The following TJP1 variants were observed in gnomAD, a reference collection of about 807,000 sequenced individuals.
The protein encoded by TJP1 is tight junction protein ZO-1.
In TJP1, 43 loss-of-function variants were observed where a neutral mutation model predicts 194.2. That is an observed-to-expected ratio of 0.22 (90% CI 0.17 to 0.29). TJP1 has a LOEUF of 0.29. Among genes scored for constraint, TJP1 ranks in the 10% least tolerant of loss-of-function variants. The pLI is 1.00. For missense variants in TJP1, 1,971 were observed against 2,185.7 expected (o/e 0.90, Z 1.96); for synonymous variants, 801 against 779.0 (o/e 1.03, Z -0.47).
intron 11 of TJP1, among the ~76,000 whole-genome samples, chr15:29,735,590 A>G (rs1230676361): frequency 3.4e-5 from 4 of 117,142 alleles, no homozygotes; most frequent in South Asian, 3.5e-4. Context: ...GTCTCAAGGA[A>G]AAAAAAAAAA....
chr15:29,725,713 G>T (rs45581337), intron 18 of TJP1, among the ~76,000 whole-genome samples: 484 of 152,302 alleles, frequency 3.2e-3, no homozygotes, highest in Non-Finnish European at 5.1e-3. Flanking sequence ...TTTAAAGCTG[G>T]CCATTTGGAC....
chr15:29,798,703 T>G (rs747950415), intron 2 of TJP1, among the ~76,000 whole-genome samples: 5 of 152,198 alleles, frequency 3.3e-5, no homozygotes, highest in Admixed American at 1.3e-4. Context: ...AAAGTTATGT[T>G]CATACAAAAA....
chr15:29,744,911 T>A (rs144578473), intron 8 of TJP1, among the ~76,000 whole-genome samples: 2 of 151,998 alleles, frequency 1.3e-5, no homozygotes, highest in African/African-American at 4.8e-5. Flanking sequence ...TCTAAATAAA[T>A]AAAATACTAG....
chr15:29,932,331 A>G (rs768974121), intron 2 of TJP1, among the ~76,000 whole-genome samples: 1 of 152,206 alleles, frequency 6.6e-6, no homozygotes, highest in African/African-American at 2.4e-5. Flanking sequence ...AAATCCACAC[A>G]TATATGGAAA....
chr15:29,760,873 A>T (rs2045958945), intron 8 of TJP1, among the ~76,000 whole-genome samples: 1 of 152,202 alleles, frequency 6.6e-6, no homozygotes, highest in Non-Finnish European at 1.5e-5. Context: ...ATGCCCATTC[A>T]TTTACACATT....
rs1183778722 is a variant in TJP1 at position 29,774,871 on chromosome 15, C to A, written c.85-1514G>T. Among the ~76,000 whole-genome samples the A allele has an allele frequency of 2.0e-5, 3 of 152,258 alleles. No homozygotes were observed. The East Asian group carries it at 5.8e-4, about 29-fold the overall frequency. ...GAATCTGTTTCTCTATATATTCTCC[C>A]AAAATTTAATAGAACAAAAATAGAC... On this transcript the variant is annotated intron_variant, in intron 2 of 27. Transcript: ENST00000614355.
intron 1 of TJP1, among the ~76,000 whole-genome samples, chr15:29,811,381 G>C (rs2049491644): frequency 7.7e-6 from 1 of 130,520 alleles, no homozygotes; most frequent in South Asian, 2.7e-4. Context: ...AGGGGGGTAT[G>C]ATACTTAGGA....
In TJP1 at chr15:29,708,890, T is replaced by C. The variant is rs1449590925; in HGVS notation, c.4519A>G (p.Lys1507Glu). The change falls in exon 25 of 28, where the codon AAA becomes GAA. Residue 1507 changes from lysine to glutamate, a missense_variant. By Grantham distance (56) the Lys-to-Glu change is moderately conservative. Transcript: ENST00000614355. ...TGTTCAGTTCCATTAACTGGGGCTT[T>C]ATCTGGAAAACTTTTCTGGGGATAG... is the stretch of plus-strand genomic sequence containing the variant. ...AFYPQKSFPD[K>E]APVNGTEQTQ... The C allele has an allele frequency of 1.2e-6, 2 of 1,614,214 alleles. No individual in the cohort carries two copies. Among genetic ancestry groups the C allele is most frequent in the South Asian group, 1.1e-5 (1 of 91,084 alleles).
At chr15:29,943,628 CAAAAAAAA>C (rs71103417) in intron 2 of TJP1, among the ~76,000 whole-genome samples, 4 of 51,018 alleles carry the variant, frequency 7.8e-5, no homozygotes, top group African/African-American at 2.5e-4. Flanking sequence ...GACTCCATCT[CAAAAAAAA>C]AAAAAAAAAA....
intron 1 of TJP1, among the ~76,000 whole-genome samples, 173 bp downstream of exon 1, chr15:29,821,829 G>T: frequency 6.9e-6 from 1 of 144,356 alleles, no homozygotes; most frequent in South Asian, 2.1e-4. Context: ...CCGCCCGAGG[G>T]GCTCCCCGCG....
intron 1 of TJP1, among the ~76,000 whole-genome samples, chr15:29,801,969 A>G: frequency 6.6e-6 from 1 of 152,184 alleles, no homozygotes; most frequent in Admixed American, 6.5e-5. Flanking sequence ...GCGACCTGTG[A>G]ACCACGGGTT....
At chr15:29,889,499 T>C (rs1299850385) in intron 2 of TJP1, among the ~76,000 whole-genome samples, 1 of 152,190 alleles carries the variant, frequency 6.6e-6, no homozygotes, top group Non-Finnish European at 1.5e-5. Context: ...GTCTTATAAA[T>C]TGAAAAGGAA....
At chr15:29,844,561 G>A (rs2051341569) in intron 2 of TJP1, among the ~76,000 whole-genome samples, 1 of 152,146 alleles carries the variant, frequency 6.6e-6, no homozygotes, top group Non-Finnish European at 1.5e-5. Flanking sequence ...CAAGATGCGA[G>A]GGTAGACTGG....
intron 1 of TJP1, among the ~76,000 whole-genome samples, chr15:29,959,134 C>T (rs915410794): frequency 3.3e-5 from 5 of 151,822 alleles, no homozygotes; most frequent in Non-Finnish European, 7.4e-5. Flanking sequence ...GGACTACAGG[C>T]GCTCATCACC....
chr15:29,701,256 A>G lies in TJP1; in HGVS notation c.*339T>C. 1 of 234,920 alleles carries G rather than the reference A, an allele frequency of 4.3e-6. No individual in the cohort carries two copies. The highest frequency in any genetic ancestry group is 2.2e-5 in the African/African-American group (1 of 45,430). 14.6% of individuals were successfully genotyped at this position (234,920 alleles called of 1,614,324 possible). The stretch of plus-strand genomic sequence containing the variant: ...AAACAGTGTACTTTGGAAAGAACAG[A>G]CCTCAAATGCACCCCCATTTACTGG... On this transcript the variant is annotated 3_prime_UTR_variant, in exon 28 of 28. Transcript: ENST00000614355.
chr15:29,952,275 G>C (rs1468435503), intron 2 of TJP1, among the ~76,000 whole-genome samples: 1 of 152,222 alleles, frequency 6.6e-6, no homozygotes, highest in African/African-American at 2.4e-5. Context: ...CTATGCCTAA[G>C]AGAATTTTAC....
chr15:29,848,840 A>C (rs2152078503), intron 2 of TJP1, among the ~76,000 whole-genome samples: 1 of 152,324 alleles, frequency 6.6e-6, no homozygotes, highest in African/African-American at 2.4e-5. Context: ...GCCTGGCGAC[A>C]GAGTGAGACT....
At chr15:29,806,785 C>A (rs1038630228) in intron 1 of TJP1, among the ~76,000 whole-genome samples, 1 of 152,036 alleles carries the variant, frequency 6.6e-6, no homozygotes, top group African/African-American at 2.4e-5. Context: ...AAATGAAGTA[C>A]AAAGGGAATA....
At chr15:29,912,452 G>A (rs1342482398) in intron 2 of TJP1, among the ~76,000 whole-genome samples, 1 of 152,168 alleles carries the variant, frequency 6.6e-6, no homozygotes, top group East Asian at 1.9e-4. Context: ...GCTCACGCCT[G>A]TAATCCCAGC....
Sources: gnomAD v4.1 joint callset for allele counts (sites outside exome capture counted in the v4.1 genomes callset) on GRCh38, gnomAD v4.1.1 for gene constraint, MANE v1.5 for transcripts, NCBI Gene and HGNC (gene_info 2026-07-23, HGNC 2026-07-21) for gene names.